The following TLL2 variants were observed in gnomAD, a reference collection of about 807,000 sequenced individuals.
TLL2 encodes the protein tolloid like 2.
In TLL2, 106 loss-of-function variants were observed where a neutral mutation model predicts 123.0. The ratio of observed to expected loss-of-function variants is 0.86; its 90% CI spans 0.74 to 1.01. The LOEUF is 1.01. TLL2 is among the 50% of genes least tolerant of loss of function. The pLI, the probability that TLL2 is intolerant of heterozygous loss-of-function variation, is 0.00. For missense variants in TLL2, 1,332 were observed against 1,336.7 expected (o/e 1.00, Z 0.06); for synonymous variants, 494 against 516.8 (o/e 0.96, Z 0.60).
intron 1 of TLL2, among the ~76,000 whole-genome samples, chr10:96,494,972 G>A (rs559135850): frequency 6.6e-6 from 1 of 152,316 alleles, no homozygotes; most frequent in East Asian, 1.9e-4. Flanking sequence ...GGACACTGCA[G>A]TTTGGAAACC....
rs972600049 is a variant in TLL2 at position 96,492,822 on chromosome 10, T to G, written c.176-12363A>C. 2.6e-5 allele frequency among the ~76,000 whole-genome samples: 4 copies of G among 152,296 alleles called. No homozygotes were observed. In the East Asian group the frequency reaches 7.7e-4, roughly 29 times the overall value. On this transcript the variant is annotated intron_variant, in intron 1 of 20. Coordinates refer to ENST00000357947, the MANE Select transcript of TLL2 (RefSeq NM_012465.4). ...TCCCAACATAGTTGCTTCTGAGATC[T>G]CCTTTCACTGGGTCTCCTGACCTAA...
At chr10:96,499,229 C>T (rs1847508166) in intron 1 of TLL2, among the ~76,000 whole-genome samples, 1 of 152,188 alleles carries the variant, frequency 6.6e-6, no homozygotes, top group African/African-American at 2.4e-5. Flanking sequence ...CAGAGTTTTG[C>T]CAATTTCCAC....
In TLL2 at chr10:96,422,697, T is replaced by A; in HGVS notation, c.669A>T (p.Gly223=). The part of the protein sequence containing the change: ...GCCSYVGRRG[G]GPQAISIGKN... Reference sequence around the variant, plus strand: ...TCCCAATGGATATGGCCTGTGGGCCTCCTCCTCGGCGCCCAACATAGGAGC... The same window carrying A: ...TCCCAATGGATATGGCCTGTGGGCCACCTCCTCGGCGCCCAACATAGGAGC... Residue 223 remains glycine (G), a synonymous_variant, in exon 6 of 21, where the codon GGA becomes GGT. Transcript: ENST00000357947. 6.2e-7 allele frequency: 1 copy of A among 1,614,122 alleles called. No individual in the cohort carries two copies. The highest frequency in any genetic ancestry group is 8.5e-7 in the Non-Finnish European group (1 of 1,180,022).
intron 5 of TLL2, among the ~76,000 whole-genome samples, chr10:96,428,186 G>A (rs183634934): frequency 6.6e-6 from 1 of 152,312 alleles, no homozygotes; most frequent in Admixed American, 6.5e-5. Context: ...TTAGTCATAA[G>A]CCAGTCATTT....
At chr10:96,490,468 A>G (rs949924414) in intron 1 of TLL2, among the ~76,000 whole-genome samples, 5 of 152,240 alleles carry the variant, frequency 3.3e-5, no homozygotes, top group African/African-American at 9.6e-5. Flanking sequence ...ATCTAAGAAA[A>G]CTTACATAGG....
chr10:96,438,869 G>T (rs1846822938), intron 3 of TLL2, among the ~76,000 whole-genome samples: 2 of 152,060 alleles, frequency 1.3e-5, no homozygotes, highest in South Asian at 4.2e-4. Flanking sequence ...GTGAATAGGT[G>T]TTAGATTTTG....
chr10:96,433,013 A>G, intron 3 of TLL2, 51 bp from the exon 4 acceptor site: 2 of 1,587,488 alleles, frequency 1.3e-6, no homozygotes, highest in Non-Finnish European at 1.7e-6. Context: ...TCCTCCTGTG[A>G]ATTATGGCTG....
At chr10:96,463,781 C>T (rs1156793089) in intron 2 of TLL2, among the ~76,000 whole-genome samples, 1 of 152,252 alleles carries the variant, frequency 6.6e-6, no homozygotes, top group Non-Finnish European at 1.5e-5. Flanking sequence ...GGGAAGTGAA[C>T]CTGTCACCTG....
intron 12 of TLL2, 69 bp from the exon 13 acceptor site, chr10:96,395,451 G>T (rs1846331253): frequency 6.9e-7 from 1 of 1,450,128 alleles, no homozygotes; most frequent in Non-Finnish European, 9.2e-7. Flanking sequence ...TTTAAGAAGA[G>T]AACCCAAATA....
chr10:96,376,912 T>C, intron 17 of TLL2, 93 bp from the exon 18 acceptor site: 1 of 1,367,100 alleles, frequency 7.3e-7, no homozygotes, highest in Non-Finnish European at 9.6e-7. Context: ...CCCTCTCTCC[T>C]AATTGTCTCA....
intron 2 of TLL2, among the ~76,000 whole-genome samples, chr10:96,471,213 C>T (rs1163078741): frequency 3.3e-5 from 5 of 152,112 alleles, no homozygotes; most frequent in African/African-American, 1.2e-4. Flanking sequence ...CTATGTTGAT[C>T]AGGCTGGTCT....
At chr10:96,488,460 G>A (rs1012860032) in intron 1 of TLL2, among the ~76,000 whole-genome samples, 1 of 152,158 alleles carries the variant, frequency 6.6e-6, no homozygotes, top group African/African-American at 2.4e-5. Context: ...CTCCCACACT[G>A]CGGTCCTGCA....
At chr10:96,443,078 C>T (rs762875518) in intron 3 of TLL2, among the ~76,000 whole-genome samples, 5 of 152,132 alleles carry the variant, frequency 3.3e-5, no homozygotes, top group African/African-American at 7.2e-5. Flanking sequence ...TTACACCCAA[C>T]GAACTAGTAA....
chr10:96,366,481 A>T lies in TLL2; in HGVS notation c.*1607T>A, dbSNP rs183447859. The T allele has an allele frequency of 1.3e-5, 2 of 152,508 alleles. No homozygotes were observed. Among genetic ancestry groups the T allele is most frequent in the Non-Finnish European group, 2.9e-5 (2 of 68,024 alleles). 9.4% of individuals were successfully genotyped at this position (152,508 alleles called of 1,614,324 possible). ...GACATATATTATTAATAATACTTTA[A>T]TTTTTTTCTGTTTTAAGGAAAAAAT... is the stretch of plus-strand genomic sequence containing the variant. On this transcript the variant is annotated 3_prime_UTR_variant, in exon 21 of 21. Transcript: ENST00000357947.
chr10:96,395,735 C>T (rs965472635), intron 12 of TLL2, 140 bp downstream of exon 12: 22 of 1,096,220 alleles, frequency 2.0e-5, no homozygotes, highest in Middle Eastern at 3.1e-4. Flanking sequence ...GTCAGATGTC[C>T]GGGCACAATT....
intron 2 of TLL2, among the ~76,000 whole-genome samples, chr10:96,466,443 C>A (rs1437953979): frequency 6.6e-6 from 1 of 152,176 alleles, no homozygotes; most frequent in Non-Finnish European, 1.5e-5. Context: ...TCTGGGCCAT[C>A]ATGCACTGGG....
At chr10:96,375,620 C>A (rs140323788) in intron 18 of TLL2, among the ~76,000 whole-genome samples, 3 of 152,178 alleles carry the variant, frequency 2.0e-5, no homozygotes, top group African/African-American at 7.2e-5. Context: ...AGTTTCCCCA[C>A]GGGCAGCCCA....
chr10:96,422,254 TTCTG>T (rs1846632460), intron 6 of TLL2, among the ~76,000 whole-genome samples: 2 of 151,868 alleles, frequency 1.3e-5, no homozygotes, highest in Admixed American at 6.6e-5. Flanking sequence ...TGTAACAGTG[TTCTG>T]GTCGACTGTG....
At chr10:96,496,143 C>T (rs1847472766) in intron 1 of TLL2, among the ~76,000 whole-genome samples, 1 of 152,146 alleles carries the variant, frequency 6.6e-6, no homozygotes, top group East Asian at 1.9e-4. Context: ...AAATAAGAGA[C>T]AAGCATGTGC....
Sources: allele counts gnomAD v4.1 joint callset (sites outside exome capture counted in the v4.1 genomes callset), GRCh38; gene constraint gnomAD v4.1.1; transcripts MANE v1.5; gene names NCBI Gene and HGNC (gene_info 2026-07-23, HGNC 2026-07-21).